NAALADL2: variants seen among roughly 807,000 people sequenced by gnomAD.
NAALADL2 encodes N-acetylated alpha-linked acidic dipeptidase like 2, also known as inactive N-acetylated-alpha-linked acidic dipeptidase-like protein 2.
NAALADL2 carries 76 observed loss-of-function variants against 87.2 expected under a neutral mutation model. The observed-to-expected ratio is 0.87, with a 90% CI of 0.72 to 1.05. The LOEUF (loss-of-function observed/expected upper bound fraction) is 1.05, where lower values mean the gene tolerates loss of function less well. Among genes scored for constraint, NAALADL2 ranks in the 50% least tolerant of loss-of-function variants. The pLI is 0.00. For synonymous variants in NAALADL2, 354 were observed against 331.0 expected, an observed-to-expected ratio of 1.07 and a Z score of -0.75; for missense variants, 1,089 against 945.8, an observed-to-expected ratio of 1.15 and a Z score of -1.99.
chr3:175,485,673 C>T (rs1332966072), intron 9 of NAALADL2, among the ~76,000 whole-genome samples: 1 of 152,154 alleles, frequency 6.6e-6, no homozygotes, highest in Non-Finnish European at 1.5e-5. Context: ...TTTCCACCTT[C>T]ATCTTCCTGC....
At chr3:174,998,539 G>A (rs1579942078) in intron 1 of NAALADL2, among the ~76,000 whole-genome samples, 1 of 152,240 alleles carries the variant, frequency 6.6e-6, no homozygotes, top group East Asian at 1.9e-4. Flanking sequence ...AAATTTTGGG[G>A]CAGGTCAATA....
At chr3:174,514,667 G>T (rs183905143) in intron 1 of NAALADL2, among the ~76,000 whole-genome samples, 1 of 151,740 alleles carries the variant, frequency 6.6e-6, no homozygotes, top group East Asian at 1.9e-4. Flanking sequence ...GAGTATATTT[G>T]CTTTTATGTT....
chr3:175,596,954 T>G (rs1237276463), intron 10 of NAALADL2, among the ~76,000 whole-genome samples: 1 of 151,920 alleles, frequency 6.6e-6, no homozygotes, highest in Non-Finnish European at 1.5e-5. Context: ...CTAAGCTAAT[T>G]TAGAAGAAAA....
intron 2 of NAALADL2, among the ~76,000 whole-genome samples, chr3:174,708,034 C>A (rs1730264263): frequency 6.6e-6 from 1 of 152,090 alleles, no homozygotes; most frequent in Non-Finnish European, 1.5e-5. Context: ...CAAAAAAAAT[C>A]TCTAGCTTAA....
At chr3:175,021,407 C>T (rs1247428959) in intron 1 of NAALADL2, among the ~76,000 whole-genome samples, 1 of 151,946 alleles carries the variant, frequency 6.6e-6, no homozygotes, top group African/African-American at 2.4e-5. Context: ...TTATATGCTC[C>T]CTCTGGGATA....
chr3:175,352,560 A>G (rs1763888655), intron 5 of NAALADL2, among the ~76,000 whole-genome samples: 1 of 152,132 alleles, frequency 6.6e-6, no homozygotes, highest in South Asian at 2.1e-4. Context: ...ATCATAGGAT[A>G]TAAGGTGCTG....
At chr3:175,276,124 A>G (rs1022500537) in intron 4 of NAALADL2, among the ~76,000 whole-genome samples, 5 of 135,090 alleles carry the variant, frequency 3.7e-5, no homozygotes, top group Non-Finnish European at 7.8e-5. Context: ...CTAAGTATAC[A>G]TAAGAACATC....
chr3:175,242,695 A>C (rs895911953), intron 3 of NAALADL2, among the ~76,000 whole-genome samples: 1 of 152,224 alleles, frequency 6.6e-6, no homozygotes, highest in Non-Finnish European at 1.5e-5. Flanking sequence ...TCACTAATAT[A>C]ACAAGAAACA....
At chr3:174,945,554 A>G (rs1405935997) in intron 1 of NAALADL2, among the ~76,000 whole-genome samples, 1 of 152,176 alleles carries the variant, frequency 6.6e-6, no homozygotes, top group African/African-American at 2.4e-5. Context: ...TTTTCCAAAG[A>G]TATTCTTTAA....
intron 1 of NAALADL2, among the ~76,000 whole-genome samples, chr3:175,087,880 C>T (rs1450834553): frequency 5.4e-5 from 8 of 149,502 alleles, no homozygotes; most frequent in South Asian, 2.1e-4. Context: ...TCCCCCTCTG[C>T]GAGAAACACC....
chr3:174,818,079 C>G (rs143663923), intron 3 of NAALADL2, among the ~76,000 whole-genome samples: 234 of 152,142 alleles, frequency 1.5e-3, no homozygotes, highest in Middle Eastern at 0.01. Context: ...GTTGTTAGTA[C>G]CGGGTTGCAG....
At chr3:175,520,566 G>A (rs1209562161) in intron 9 of NAALADL2, among the ~76,000 whole-genome samples, 8 of 152,032 alleles carry the variant, frequency 5.3e-5, no homozygotes, top group Non-Finnish European at 1.0e-4. Context: ...CCAAAGTGTT[G>A]GGATTACAGG....
At chr3:174,687,502 T>A (rs1483790884) in intron 2 of NAALADL2, among the ~76,000 whole-genome samples, 2 of 152,058 alleles carry the variant, frequency 1.3e-5, no homozygotes, top group African/African-American at 4.8e-5. Flanking sequence ...AGAAAAAAAA[T>A]GTATCTAACT....
chr3:174,640,484 A>C (rs9850630), intron 2 of NAALADL2, among the ~76,000 whole-genome samples: 3 of 151,946 alleles, frequency 2.0e-5, no homozygotes, highest in Non-Finnish European at 2.9e-5. Context: ...AAAAATGGGA[A>C]AGAGTCCACC....
At chr3:174,476,144 A>G (rs1717197718) in intron 1 of NAALADL2, among the ~76,000 whole-genome samples, 2 of 152,022 alleles carry the variant, frequency 1.3e-5, no homozygotes, top group African/African-American at 4.8e-5. Context: ...GAATAACATC[A>G]TAACTTGTCA....
intron 2 of NAALADL2, among the ~76,000 whole-genome samples, chr3:175,168,476 T>C (rs1369539624): frequency 2.6e-5 from 4 of 151,842 alleles, no homozygotes; most frequent in Non-Finnish European, 5.9e-5. Flanking sequence ...AGGTATAATA[T>C]AGCAAGCAGT....
chr3:175,721,251 C>G (rs1742193975), intron 11 of NAALADL2, among the ~76,000 whole-genome samples: 1 of 151,922 alleles, frequency 6.6e-6, no homozygotes, highest in African/African-American at 2.4e-5. Context: ...ACAATTCAAT[C>G]TCTACAGAAA....
chr3:175,413,724 C>T (rs1714063139), intron 5 of NAALADL2, among the ~76,000 whole-genome samples: 1 of 151,330 alleles, frequency 6.6e-6, no homozygotes. Flanking sequence ...GACTCATAGA[C>T]CAAATTAAAT....
intron 11 of NAALADL2, among the ~76,000 whole-genome samples, chr3:175,662,297 C>T (rs1732372205): frequency 6.6e-6 from 1 of 151,816 alleles, no homozygotes; most frequent in Non-Finnish European, 1.5e-5. Flanking sequence ...TCAGATTGAT[C>T]ACCATTAGAA....
Sources: allele counts gnomAD v4.1 joint callset (sites outside exome capture counted in the v4.1 genomes callset), GRCh38; gene constraint gnomAD v4.1.1; transcripts MANE v1.5; gene names NCBI Gene and HGNC (gene_info 2026-07-23, HGNC 2026-07-21).